The following TBX20 variants were observed in gnomAD, a reference collection of about 807,000 sequenced individuals.
TBX20 encodes the protein T-box transcription factor 20.
A neutral mutation model predicts 42.9 loss-of-function variants in TBX20; 8 were observed. That is an observed-to-expected ratio of 0.19 (90% CI 0.11 to 0.34). TBX20 has a LOEUF of 0.34. Among genes scored for constraint, TBX20 ranks in the 10% least tolerant of loss-of-function variants. The probability of loss-of-function intolerance (pLI) is 1.00; values close to 1 mark genes in which losing one functional copy is unlikely to be tolerated. For synonymous variants in TBX20, 198 were observed against 222.8 expected (o/e 0.89, Z 0.99); for missense variants, 411 against 566.0 (o/e 0.73, Z 2.78).
chr7:35,247,422 T>C lies in TBX20; in HGVS notation c.545+1255A>G, dbSNP rs186047739. ...GATTTTCTTAGTCTTGACTGTTATT[T>C]AATATACTGATTTGAAAGGGCTGGG... On this transcript the variant is annotated intron_variant, in intron 3 of 7. Transcript: ENST00000408931. 3.7e-3 allele frequency among the ~76,000 whole-genome samples: 566 copies of C among 152,252 alleles called. 4 individuals carry two copies. The highest frequency in any genetic ancestry group is 0.013 in the African/African-American group (531 of 41,552).
At chr7:35,208,883 T>C (rs151278237) in intron 6 of TBX20, among the ~76,000 whole-genome samples, 4,182 of 150,962 alleles carry the variant, frequency 0.028, 166 homozygotes, top group South Asian at 0.084. Flanking sequence ...TACAATTTAC[T>C]AGACTAAAGG....
At chr7:35,206,580 T>C (rs890521239) in intron 6 of TBX20, among the ~76,000 whole-genome samples, 7 of 152,154 alleles carry the variant, frequency 4.6e-5, no homozygotes, top group African/African-American at 1.7e-4. Context: ...GTGTATAGTT[T>C]GATCAGTTTG....
chr7:35,239,942 G>A (rs1020710294), intron 5 of TBX20, among the ~76,000 whole-genome samples: 1 of 151,924 alleles, frequency 6.6e-6, no homozygotes, highest in Non-Finnish European at 1.5e-5. Flanking sequence ...AGTAGAGACG[G>A]TTTCACCATG....
intron 5 of TBX20, among the ~76,000 whole-genome samples, chr7:35,239,300 G>A (rs1009537713): frequency 4.0e-5 from 6 of 151,850 alleles, no homozygotes; most frequent in South Asian, 2.1e-4. Flanking sequence ...CATCCTCCCC[G>A]GGACTCTGAG....
At chr7:35,240,434 A>G (rs1790054159) in intron 5 of TBX20, among the ~76,000 whole-genome samples, 1 of 152,224 alleles carries the variant, frequency 6.6e-6, no homozygotes, top group Non-Finnish European at 1.5e-5. Context: ...ATCTCACCCT[A>G]AATTATAGCT....
chr7:35,226,681 G>C (rs1789776467), intron 6 of TBX20, among the ~76,000 whole-genome samples: 2 of 152,082 alleles, frequency 1.3e-5, no homozygotes, highest in Non-Finnish European at 2.9e-5. Context: ...GAACGGAGCT[G>C]AAAAATGTCT....
chr7:35,246,992 A>G (rs1477866422), intron 3 of TBX20, among the ~76,000 whole-genome samples: 5 of 152,074 alleles, frequency 3.3e-5, no homozygotes, highest in Admixed American at 6.5e-5. Context: ...TTCAGTTAAG[A>G]TAGTGTATTG....
intron 6 of TBX20, among the ~76,000 whole-genome samples, chr7:35,211,995 T>C (rs1293988507): frequency 2.6e-5 from 4 of 152,202 alleles, no homozygotes; most frequent in African/African-American, 9.6e-5. Context: ...TTTTTAGATA[T>C]TATTTCTTTG....
rs1364575128 is a variant in TBX20 at position 35,253,821 on chromosome 7, CAG to C, written c.-203_-202del. 41 of 654,880 alleles carry C rather than the reference CAG, an allele frequency of 6.3e-5. No homozygotes were observed. The highest frequency in any genetic ancestry group is 9.8e-5 in the Non-Finnish European group (39 of 396,046). 40.6% of individuals were successfully genotyped at this position (654,880 alleles called of 1,614,324 possible). A position where few individuals can be genotyped will look rare whatever the true frequency, so the allele number is the denominator to read the frequency against. ...TCCCCACCGCAAAGCCCCAGAGCCGCAGAGACTTCGAAGGCAGCCGGAGAGGA... is the reference window on the plus strand; with the variant it reads ...TCCCCACCGCAAAGCCCCAGAGCCGCAGACTTCGAAGGCAGCCGGAGAGGA... On this transcript the variant is annotated 5_prime_UTR_variant, in exon 1 of 8. The change abolishes the stop of an existing upstream ORF in the 5' untranslated region. Coordinates refer to ENST00000408931, the MANE Select transcript of TBX20 (RefSeq NM_001077653.2).
At chr7:35,225,186 T>C (rs190421906) in intron 6 of TBX20, among the ~76,000 whole-genome samples, 2 of 152,332 alleles carry the variant, frequency 1.3e-5, no homozygotes, top group Non-Finnish European at 1.5e-5. Flanking sequence ...CAGACTAAAT[T>C]AGGCAGATTT....
intron 5 of TBX20, among the ~76,000 whole-genome samples, chr7:35,240,030 A>G (rs1833125): frequency 0.36 from 55,249 of 151,752 alleles, 10,334 homozygotes; most frequent in Admixed American, 0.46. Context: ...GATTACAGGC[A>G]TGTGCCACCG....
chr7:35,242,503 A>G (rs1470707457), intron 4 of TBX20, among the ~76,000 whole-genome samples: 1 of 152,220 alleles, frequency 6.6e-6, no homozygotes, highest in East Asian at 1.9e-4. Context: ...CACTAATATA[A>G]GAAAAAAAAA....
chr7:35,227,459 CT>C (rs1351727891), intron 6 of TBX20, among the ~76,000 whole-genome samples: 4 of 152,028 alleles, frequency 2.6e-5, no homozygotes, highest in East Asian at 1.9e-4. Flanking sequence ...TTTACACTGT[CT>C]TTTTACTGTG....
chr7:35,250,279 A>AC lies in TBX20; in HGVS notation c.128-77_128-76insG, dbSNP rs1790280630. The AC allele has an allele frequency of 5.1e-6, 8 of 1,563,198 alleles. No individual in the cohort carries two copies. The East Asian group carries it at 1.8e-4, about 35-fold the overall frequency. On this transcript the variant is annotated intron_variant, in intron 1 of 7. Transcript: ENST00000408931. ...AGATCTGGAAAGAACAGCATAACCA[A>AC]ATGGTCACTTGGATTTGACTCAGGA...
intron 6 of TBX20, among the ~76,000 whole-genome samples, chr7:35,208,742 C>CAAAAAAAAAAAAAAAAAAAAA (rs766060288): frequency 9.5e-5 from 2 of 21,132 alleles, no homozygotes; most frequent in Non-Finnish European, 1.5e-4. Flanking sequence ...AACTCCGTCT[C>CAAAAAAAAAAAAAAAAAAAAA]AAAAAAAAAA....
chr7:35,248,977 C>G, intron 2 of TBX20, 136 bp from the exon 3 acceptor site: 1 of 984,060 alleles, frequency 1.0e-6, no homozygotes, highest in South Asian at 1.4e-5. Flanking sequence ...ACAAACCCCT[C>G]TTTTGTTTTG....
intron 6 of TBX20, among the ~76,000 whole-genome samples, chr7:35,226,888 A>G (rs1282362674): frequency 6.6e-6 from 1 of 152,118 alleles, no homozygotes; most frequent in African/African-American, 2.4e-5. Flanking sequence ...ACCGTGAAAC[A>G]GCCTCAGGCA....
At chr7:35,221,884 AGAT>A (rs1296715804) in intron 6 of TBX20, among the ~76,000 whole-genome samples, 2 of 152,338 alleles carry the variant, frequency 1.3e-5, no homozygotes, top group South Asian at 2.1e-4. Context: ...AATTTAAGAA[AGAT>A]GATAAGAAAG....
rs1790269247 is a variant in TBX20, at chr7:35,249,846, C to G, written c.380+105G>C. 7.5e-7 allele frequency: 1 copy of G among 1,335,370 alleles called. No homozygotes were observed. The highest frequency in any genetic ancestry group is 1.4e-5 in the South Asian group (1 of 69,458). The allele number at this position is 1,335,370 out of a possible 1,614,324, so 82.7% of individuals were successfully genotyped here. On this transcript the variant is annotated intron_variant, in intron 2 of 7. Transcript: ENST00000408931. This position sits in a 1 kb window ranked among gnomAD's most constrained non-coding sequence, Gnocchi z 4.3. Reference sequence around the variant, plus strand: ...GCCCTGGAGCCAAGCTGTCTCTCCGCTCCATGACCAGCCAGCTCTCATCTA... The same window carrying G: ...GCCCTGGAGCCAAGCTGTCTCTCCGGTCCATGACCAGCCAGCTCTCATCTA...
Sources: gnomAD v4.1 joint callset for allele counts (sites outside exome capture counted in the v4.1 genomes callset) on GRCh38, gnomAD v4.1.1 for gene constraint, Gnocchi (gnomAD v3.1) non-coding constraint, MANE v1.5 for transcripts, NCBI Gene and HGNC (gene_info 2026-07-23, HGNC 2026-07-21) for gene names.